The following DCAF6 variants were observed in gnomAD, a reference collection of about 807,000 sequenced individuals.
DCAF6 encodes DDB1 and CUL4 associated factor 6.
In DCAF6, 54 loss-of-function variants were observed where a neutral mutation model predicts 125.1. The observed-to-expected ratio is 0.43, with a 90% CI of 0.35 to 0.54. DCAF6 has a LOEUF of 0.54. Among genes scored for constraint, DCAF6 ranks in the 20% least tolerant of loss-of-function variants. The pLI is 0.01. For synonymous variants in DCAF6, 371 were observed against 390.4 expected, an observed-to-expected ratio of 0.95 and a Z score of 0.58; for missense variants, 934 against 1,161.7, an observed-to-expected ratio of 0.80 and a Z score of 2.85.
intron 4 of DCAF6, among the ~76,000 whole-genome samples, chr1:167,986,901 A>G (rs1400882579): frequency 1.3e-5 from 2 of 152,228 alleles, no homozygotes; most frequent in Non-Finnish European, 2.9e-5. Context: ...TATCTAAAAT[A>G]TTGTACTTCA....
chr1:167,924,330 G>T, the DCAF6 span: 1 of 498,848 alleles, frequency 2.0e-6, no homozygotes, highest in Non-Finnish European at 3.5e-6. Flanking sequence ...AAAGTAGATA[G>T]TTGCTTTATG....
chr1:168,021,013 CTTTTA>C (rs1427821801), intron 11 of DCAF6, among the ~76,000 whole-genome samples: 4 of 152,026 alleles, frequency 2.6e-5, no homozygotes, highest in Non-Finnish European at 1.5e-5. Context: ...AAAGGAAACC[CTTTTA>C]GTTTAATACT....
intron 12 of DCAF6, among the ~76,000 whole-genome samples, chr1:168,028,232 A>G (rs1484516183): frequency 6.6e-6 from 1 of 152,164 alleles, no homozygotes; most frequent in Non-Finnish European, 1.5e-5. Context: ...TTAAAACTTA[A>G]CAAATTTTTC....
chr1:167,920,578 G>A, the DCAF6 span: 1 of 1,613,956 alleles, frequency 6.2e-7, no homozygotes. Context: ...ATTGAGCTGT[G>A]CTAAGTTTTT....
At chr1:167,956,863 G>A (rs1029829360) in intron 2 of DCAF6, among the ~76,000 whole-genome samples, 4 of 151,860 alleles carry the variant, frequency 2.6e-5, no homozygotes, top group African/African-American at 4.8e-5. Context: ...GTTTTCCAAC[G>A]TATCTTTATG....
At chr1:167,874,452 T>C in the DCAF6 span, among the ~76,000 whole-genome samples, 1 of 152,118 alleles carries the variant, frequency 6.6e-6, no homozygotes, top group Admixed American at 6.5e-5. Flanking sequence ...CCAACAGAAT[T>C]ATTGAAAGGA....
At chr1:168,071,377 G>A (rs1285288008) in intron 21 of DCAF6, among the ~76,000 whole-genome samples, 1 of 152,194 alleles carries the variant, frequency 6.6e-6, no homozygotes, top group Non-Finnish European at 1.5e-5. Context: ...GCTGAGGCAG[G>A]TGAATCACCT....
the DCAF6 span, chr1:167,896,644 G>C: frequency 3.1e-6 from 5 of 1,613,582 alleles, no homozygotes; most frequent in Non-Finnish European, 4.2e-6. Context: ...TACACTTTGT[G>C]AAAAATTCAT....
chr1:168,008,846 C>G (rs1683740974), intron 10 of DCAF6, among the ~76,000 whole-genome samples: 1 of 134,130 alleles, frequency 7.5e-6, no homozygotes, highest in Non-Finnish European at 1.6e-5. Flanking sequence ...CTGCCCTGCC[C>G]TCCCCCGCCC....
At chr1:168,026,529 G>A (rs575554294) in intron 12 of DCAF6, among the ~76,000 whole-genome samples, 30 of 152,176 alleles carry the variant, frequency 2.0e-4, no homozygotes, top group Non-Finnish European at 5.9e-5. Flanking sequence ...GGTGAGAAGT[G>A]GGAATGGACA....
At chr1:168,069,612 G>A (rs1031441759) in intron 21 of DCAF6, among the ~76,000 whole-genome samples, 17 of 152,156 alleles carry the variant, frequency 1.1e-4, no homozygotes, top group African/African-American at 3.6e-4. Flanking sequence ...CTAGAGGAGA[G>A]AAAGTATAGC....
chr1:168,072,198 G>GTGTCTTCTCATATCTTCCCTCTCACTT (rs1693134613), intron 21 of DCAF6, among the ~76,000 whole-genome samples: 1 of 149,304 alleles, frequency 6.7e-6, no homozygotes, highest in Admixed American at 6.8e-5. Context: ...TTGGGAGGCT[G>GTGTCTTCTCATATCTTCCCTCTCACTT]AGGCAGGAGA....
At chr1:168,004,875 T>A (rs931542487) in intron 10 of DCAF6, 82 bp downstream of exon 10, 1 of 1,420,380 alleles carries the variant, frequency 7.0e-7, no homozygotes, top group Non-Finnish European at 9.6e-7. Context: ...AGATACTAAA[T>A]CACATCAACT....
At chr1:168,021,204 G>C (rs1685628250) in intron 11 of DCAF6, among the ~76,000 whole-genome samples, 1 of 151,994 alleles carries the variant, frequency 6.6e-6, no homozygotes, top group South Asian at 2.1e-4. Flanking sequence ...ACATTTCATG[G>C]TATTTTTTAG....
At chr1:167,913,305 T>TC in the DCAF6 span, among the ~76,000 whole-genome samples, 1 of 152,170 alleles carries the variant, frequency 6.6e-6, no homozygotes, top group Admixed American at 6.5e-5. Context: ...TAGGGTTCGA[T>TC]TATATTCATC....
chr1:167,912,566 C>G, the DCAF6 span, among the ~76,000 whole-genome samples: 494 of 152,340 alleles, frequency 3.2e-3, 12 homozygotes, highest in Non-Finnish European at 2.6e-3. Flanking sequence ...ACTGCCTCCT[C>G]CAGCGTCTGT....
chr1:167,961,312 G>T (rs774471144), intron 2 of DCAF6, among the ~76,000 whole-genome samples: 1 of 151,906 alleles, frequency 6.6e-6, no homozygotes, highest in African/African-American at 2.4e-5. Context: ...GCGCGATCTC[G>T]GCTCAATGCA....
At chr1:167,966,516 T>C (rs1676448815) in intron 2 of DCAF6, 113 bp from the exon 3 acceptor site, 2 of 713,542 alleles carry the variant, frequency 2.8e-6, no homozygotes, top group Non-Finnish European at 5.0e-6. Flanking sequence ...TTAAATACTT[T>C]TTAACGTATA....
intron 10 of DCAF6, among the ~76,000 whole-genome samples, chr1:168,009,054 A>G: frequency 6.9e-6 from 1 of 144,278 alleles, no homozygotes; most frequent in South Asian, 2.2e-4. Flanking sequence ...GCTGGAGTGC[A>G]GTGGCGTGAT....
Sources: gnomAD v4.1 joint callset for allele counts (sites outside exome capture counted in the v4.1 genomes callset) on GRCh38, gnomAD v4.1.1 for gene constraint, MANE v1.5 for transcripts, NCBI Gene and HGNC (gene_info 2026-07-23, HGNC 2026-07-21) for gene names.